MUC4: variants seen among roughly 807,000 people sequenced by gnomAD.
MUC4 encodes the protein mucin-4.
A neutral mutation model predicts 257.9 loss-of-function variants in MUC4; 202 were observed. That is an observed-to-expected ratio of 0.78 (90% confidence interval 0.70 to 0.88). The LOEUF (loss-of-function observed/expected upper bound fraction) is 0.88, where lower values mean the gene tolerates loss of function less well. MUC4 is among the 40% of genes least tolerant of loss of function. MUC4 has a pLI of 0.00. For missense variants in MUC4, 5,976 were observed against 6,513.7 expected (o/e 0.92, Z 2.84); for synonymous variants, 2,351 against 2,757.1 (o/e 0.85, Z 4.62).
rs1358152200 is a variant in MUC4, at chr3:195,767,754, C to T, written c.13530-1003G>A. On this transcript the variant is annotated intron_variant, in intron 7 of 24. Coordinates refer to ENST00000463781, the MANE Select transcript of MUC4 (RefSeq NM_018406.7). ...ACCACCACCATCACCATCGCCACCACCACCATCACCACCACCACCACCATC... is the reference window on the plus strand; with the variant it reads ...ACCACCACCATCACCATCGCCACCATCACCATCACCACCACCACCACCATC... Among the ~76,000 whole-genome samples the T allele has an allele frequency of 5.9e-5, 4 of 67,544 alleles. 1 individual carries two copies. The highest frequency in any genetic ancestry group is 1.1e-4 in the Non-Finnish European group (4 of 35,782). The allele number at this position is 67,544 out of a possible 152,430, so 44.3% of individuals were successfully genotyped here.
intron 23 of MUC4, among the ~76,000 whole-genome samples, chr3:195,749,571 G>T (rs2688498): frequency 6.9e-6 from 1 of 145,228 alleles, no homozygotes; most frequent in Non-Finnish European, 1.5e-5. Flanking sequence ...ACTCAGTACA[G>T]TGCCGGACAC....
In MUC4 at chr3:195,754,344, G is replaced by T. The variant is rs146947442; in HGVS notation, c.15197C>A (p.Thr5066Asn). The change falls in exon 19 of 25, where the codon ACC becomes AAC. Residue 5066 changes from threonine (T) to asparagine (N), a missense_variant. Transcript: ENST00000463781. Reference sequence around the variant, plus strand: ...GGAGCCCTCGCAGTAGCGGCCGAAGGTGCCCCCGTCACACTTGCAGCCAGC... The same window carrying T: ...GGAGCCCTCGCAGTAGCGGCCGAAGTTGCCCCCGTCACACTTGCAGCCAGC... Reference protein sequence around the residue: ...EVAGCKCDGGTFGRYCEGSED... With the variant: ...EVAGCKCDGGNFGRYCEGSED... 2.3e-4 allele frequency: 370 copies of T among 1,611,150 alleles called. No individual in the cohort carries two copies. The highest frequency in any genetic ancestry group is 2.9e-4 in the Non-Finnish European group (337 of 1,179,310).
intron 7 of MUC4, among the ~76,000 whole-genome samples, chr3:195,767,556 T>TC (rs1560261676): frequency 1.3e-4 from 3 of 22,438 alleles, no homozygotes; most frequent in African/African-American, 1.0e-3. Flanking sequence ...CCATCACCAT[T>TC]ACCATTGCCA....
At position 195,764,138 on chromosome 3, in the gene MUC4, A is replaced by G; in HGVS notation, c.13951T>C (p.Cys4651Arg). ...LAQELEPQSW[C>R]CRWNDKPYLC... ...TAGGGCTTGTCATTCCAGCGGCAGC[A>G]CCAGCTCTGTGGCTCCAGTTCCTGG... The change falls in exon 11 of 25, where the codon TGC becomes CGC. Residue 4651 changes from cysteine (C) to arginine (R), a missense_variant. Physicochemically the swap from Cys to Arg is radical, Grantham distance 180 (BLOSUM62 -3). Transcript: ENST00000463781. The G allele has an allele frequency of 1.3e-6, 2 of 1,581,356 alleles. No homozygotes were observed. Among genetic ancestry groups the G allele is most frequent in the Middle Eastern group, 3.3e-4 (2 of 6,004 alleles).
rs1560339348 is a variant in MUC4 at position 195,783,092 on chromosome 3, C to G, written c.8488G>C (p.Ala2830Pro). 18 of 712,492 alleles carry G rather than the reference C, an allele frequency of 2.5e-5. No homozygotes were observed. The highest frequency in any genetic ancestry group is 2.1e-4 in the South Asian group (10 of 47,272). The allele number at this position is 712,492 out of a possible 1,614,324, so 44.1% of individuals were successfully genotyped here. The change falls in exon 2 of 25, where the codon GCC becomes CCC. Residue 2830 changes from alanine to proline, a missense_variant. Ala to Pro is a conservative substitution (Grantham distance 27). Around this residue, in one of 44 missense-constraint regions of MUC4, gnomAD observed 228 missense variants for 206.3 expected, o/e 1.11. Transcript: ENST00000463781. ...TDASSVFTGH[A>P]TSLPVTIPSS... ...GGGATGGTGACAGGAAGAGAGGTGG[C>G]ATGACCTGTGAACACTGAGGAAGCG...
In MUC4 at chr3:195,789,315, C is replaced by T; in HGVS notation, c.2265G>A (p.Trp755Ter). Residue 755 changes from tryptophan (W) to a stop codon, truncating the protein, a stop_gained, in exon 2 of 25, where the codon TGG (tryptophan) becomes TGA (stop). Coordinates refer to ENST00000463781, the MANE Select transcript of MUC4 (RefSeq NM_018406.7). LOFTEE classifies it high-confidence loss of function. ...GTGAGGTGCTGGCAGAGGCTGATGT[C>T]CATTGTCCTTCTGGGCCCCCTGGTG... ...VSTPGGPEGQ[W>*]TSASASTSPD... 6.2e-7 allele frequency: 1 copy of T among 1,613,854 alleles called. No homozygotes were observed. Among genetic ancestry groups the T allele is most frequent in the Non-Finnish European group, 8.5e-7 (1 of 1,179,864 alleles).
In MUC4 at chr3:195,753,166, G is replaced by C. The variant is rs1287936528; in HGVS notation, c.15393C>G (p.Gly5131=). 6.2e-7 allele frequency: 1 copy of C among 1,613,860 alleles called. No homozygotes were observed. The highest frequency in any genetic ancestry group is 1.7e-5 in the Admixed American group (1 of 59,964). Residue 5131 remains glycine, a synonymous_variant, in exon 20 of 25, where the codon GGC becomes GGG. Transcript: ENST00000463781. ...SCPVNYCYNQ[G]HCYISQTLGC... ...CCAGAGTCTGGGAGATGTAGCAGTGGCCTTGATTGTAGCAGTAATTCACAG... is the reference window on the plus strand; with the variant it reads ...CCAGAGTCTGGGAGATGTAGCAGTGCCCTTGATTGTAGCAGTAATTCACAG...
Position 195,757,176 on chromosome 3 carries a change from T to C in MUC4, c.15139A>G (p.Thr5047Ala). 1 of 1,605,982 alleles carries C rather than the reference T, an allele frequency of 6.2e-7. No homozygotes were observed. The highest frequency in any genetic ancestry group is 8.5e-7 in the Non-Finnish European group (1 of 1,173,572). Residue 5047 changes from threonine (T) to alanine (A), a missense_variant, in exon 18 of 25, where the codon ACC becomes GCC. Thr to Ala is a moderately conservative substitution (Grantham distance 58). This residue lies in a region of MUC4 where 996 missense variants were observed against 1,137.3 expected (regional missense o/e 0.88). Coordinates refer to ENST00000463781, the MANE Select transcript of MUC4 (RefSeq NM_018406.7). The surrounding 1 kb of genome is among the most constrained non-coding windows in gnomAD (Gnocchi z 4.8). ...AGGGAGGAGTTGCCCACCCTGCTGG[T>C]CTGATTGTACAAACACTGGCTCTCT... ...NAESQCLYNQ[T>A]SRVGNSSLEV...
rs1715117710 is a variant in MUC4 at position 195,746,802 on chromosome 3, A to G, written c.*374T>C. On this transcript the variant is annotated 3_prime_UTR_variant, in exon 25 of 25. Transcript: ENST00000463781. Reference sequence around the variant, plus strand: ...AAAAAGTCAGAGAGACTTTATTTAAATAGAGTTAATTTGAAGTAAACCAGA... The same window carrying G: ...AAAAAGTCAGAGAGACTTTATTTAAGTAGAGTTAATTTGAAGTAAACCAGA... 3.4e-6 allele frequency: 1 copy of G among 297,462 alleles called. No individual in the cohort carries two copies. 18.4% of individuals were successfully genotyped at this position (297,462 alleles called of 1,614,324 possible).
In MUC4 at chr3:195,781,880, G is replaced by C. The variant is rs1395301120; in HGVS notation, c.9700C>G (p.Pro3234Ala). 2.4e-6 allele frequency: 2 copies of C among 846,416 alleles called. No homozygotes were observed. Among genetic ancestry groups the C allele is most frequent in the Non-Finnish European group, 3.1e-6 (2 of 647,108 alleles). 52.4% of individuals were successfully genotyped at this position (846,416 alleles called of 1,614,324 possible). Residue 3234 changes from proline to alanine, a missense_variant, in exon 2 of 25, where the codon CCT becomes GCT. Pro to Ala is a conservative substitution (Grantham distance 27). Around this residue, in one of 44 missense-constraint regions of MUC4, gnomAD observed 28 missense variants for 79.1 expected, o/e 0.35. Transcript: ENST00000463781. ...SVSTGDTTPL[P>A]VTSPSSASTG... ...GATGCTGAGGAAGGGCTAGTGACAG[G>C]AAGAGGCGTGGTGTCACCTGTGGAT...
intron 13 of MUC4, 72 bp downstream of exon 13, chr3:195,762,783 C>A: frequency 7.1e-7 from 1 of 1,401,230 alleles, no homozygotes; most frequent in Admixed American, 2.0e-5. Context: ...CGGCCCTGCA[C>A]CGCAACGCGG....
chr3:195,775,369 A>C, intron 3 of MUC4, among the ~76,000 whole-genome samples: 1 of 151,572 alleles, frequency 6.6e-6, no homozygotes, highest in African/African-American at 2.4e-5. Context: ...CTGCAGCCAT[A>C]CCTACCACAC....
At chr3:195,748,137 C>T (rs866212651) in intron 24 of MUC4, among the ~76,000 whole-genome samples, 1 of 152,280 alleles carries the variant, frequency 6.6e-6, no homozygotes, top group Non-Finnish European at 1.5e-5. Context: ...AGCGGAGCCC[C>T]GGGGACTGCT....
intron 3 of MUC4, among the ~76,000 whole-genome samples, chr3:195,777,992 C>A (rs1725361829): frequency 1.3e-5 from 2 of 152,040 alleles, no homozygotes. Context: ...GGTGCTCCTC[C>A]ATCCCCGGCT....
intron 3 of MUC4, among the ~76,000 whole-genome samples, chr3:195,776,595 C>A (rs1394879739): frequency 4.1e-5 from 1 of 24,384 alleles, no homozygotes; most frequent in Non-Finnish European, 7.5e-5. Flanking sequence ...CCTTCCACAC[C>A]CATACCTTCC....
Position 195,786,651 on chromosome 3 carries a change from T to C in MUC4, c.4929A>G (p.Thr1643=), listed in dbSNP as rs77914457. ...LPVTNASSLS[T]GHATPLHVTS... is the part of the protein sequence containing the mutation. ...TGACATGAAGAGGGGTGGCGTGACC[T>C]GTGGATAATGAGGAAGCATTGGTGA... Residue 1643 remains threonine (T), a synonymous_variant, in exon 2 of 25, where the codon ACA becomes ACG. Transcript: ENST00000463781. 3.3e-6 allele frequency: 5 copies of C among 1,525,918 alleles called. No homozygotes were observed. The Admixed American group carries it at 6.1e-5, about 19-fold the overall frequency. The allele number at this position is 1,525,918 out of a possible 1,614,324, so 94.5% of individuals were successfully genotyped here. A position where few individuals can be genotyped will look rare whatever the true frequency, so the allele number is the denominator to read the frequency against.
At chr3:195,771,602 C>T in intron 5 of MUC4, 50 bp downstream of exon 5, 3 of 1,591,578 alleles carry the variant, frequency 1.9e-6, no homozygotes, top group Non-Finnish European at 2.6e-6. Context: ...CTCTTTGTCT[C>T]CCCTGCCAGC....
intron 1 of MUC4, among the ~76,000 whole-genome samples, chr3:195,798,499 C>G (rs1317965724): frequency 6.6e-6 from 1 of 152,050 alleles, no homozygotes; most frequent in African/African-American, 2.4e-5. Flanking sequence ...GTCAGGAGAT[C>G]GAGACCATCC....
Position 195,766,903 on chromosome 3 carries a change from G to A in MUC4, c.13530-152C>T, listed in dbSNP as rs1371363931. ...TGGGTCAGCCAGCCCCCATCGTCAA[G>A]CCCCAGCACTGAGCAGGAGAGGGGA... is the stretch of plus-strand genomic sequence containing the variant. On this transcript the variant is annotated intron_variant, in intron 7 of 24. Transcript: ENST00000463781. The A allele has an allele frequency of 6.0e-6, 4 of 671,314 alleles. No homozygotes were observed. In the African/African-American group the frequency reaches 7.1e-5, roughly 12 times the overall value. The allele number at this position is 671,314 out of a possible 1,614,324, so 41.6% of individuals were successfully genotyped here.
Sources: gnomAD v4.1 joint callset for allele counts (sites outside exome capture counted in the v4.1 genomes callset) on GRCh38, gnomAD v4.1.1 for gene constraint, gnomAD v4.1.1 regional missense constraint, Gnocchi (gnomAD v3.1) non-coding constraint, MANE v1.5 for transcripts, NCBI Gene and HGNC (gene_info 2026-07-23, HGNC 2026-07-21) for gene names.